NBEA: variants seen among roughly 807,000 people sequenced by gnomAD.
The protein encoded by NBEA is neurobeachin.
In NBEA, 44 loss-of-function variants were observed where a neutral mutation model predicts 343.4. The observed-to-expected ratio is 0.13, with a 90% CI of 0.10 to 0.16. The LOEUF is 0.16. Ranked by LOEUF, NBEA falls within the 10% of genes least tolerant of loss-of-function variation. The pLI is 1.00. For missense variants in NBEA, 2,555 were observed against 3,631.3 expected, an observed-to-expected ratio of 0.70 and a Z score of 7.62; for synonymous variants, 1,175 against 1,238.7, an observed-to-expected ratio of 0.95 and a Z score of 1.08.
chr13:35,491,182 A>G lies in NBEA; in HGVS notation c.6585+18646A>G, dbSNP rs186641959. On this transcript the variant is annotated intron_variant, in intron 41 of 58. Transcript: ENST00000379939. ...GTATGTTTGTTGAATGAATAATTAA[A>G]TGAATATCATCTGTTCTGTACTTCC... 3.0e-3 allele frequency among the ~76,000 whole-genome samples: 463 copies of G among 152,084 alleles called. 3 individuals carry two copies. Among genetic ancestry groups the G allele is most frequent in the African/African-American group, 0.01 (417 of 41,526 alleles).
chr13:34,998,924 C>T (rs1211065102), intron 1 of NBEA, among the ~76,000 whole-genome samples: 3 of 152,092 alleles, frequency 2.0e-5, no homozygotes, highest in Non-Finnish European at 4.4e-5. Context: ...GAAATCTTCA[C>T]AATTTATGTT....
intron 41 of NBEA, among the ~76,000 whole-genome samples, chr13:35,548,657 T>C (rs924751196): frequency 6.6e-6 from 1 of 152,196 alleles, no homozygotes; most frequent in Non-Finnish European, 1.5e-5. Flanking sequence ...AGATAGATTT[T>C]GTTGTTGTGG....
At chr13:35,033,138 G>T (rs1415188716) in intron 1 of NBEA, among the ~76,000 whole-genome samples, 8 of 151,826 alleles carry the variant, frequency 5.3e-5, no homozygotes, top group African/African-American at 1.4e-4. Flanking sequence ...ATGGTTTAAG[G>T]TCTGAGATTT....
chr13:35,518,591 A>T (rs1770776870), intron 41 of NBEA, among the ~76,000 whole-genome samples: 1 of 152,234 alleles, frequency 6.6e-6, no homozygotes, highest in Non-Finnish European at 1.5e-5. Context: ...AACATTAGTC[A>T]TAATTATGCC....
chr13:35,461,222 A>G (rs2046885085), intron 40 of NBEA, among the ~76,000 whole-genome samples: 1 of 152,090 alleles, frequency 6.6e-6, no homozygotes, highest in Non-Finnish European at 1.5e-5. Context: ...ATCATATATA[A>G]TTTGCATTTT....
At chr13:35,099,043 T>TTTTTTG (rs2065484863) in intron 11 of NBEA, among the ~76,000 whole-genome samples, 1 of 149,772 alleles carries the variant, frequency 6.7e-6, no homozygotes, top group Non-Finnish European at 1.5e-5. Flanking sequence ...TTTTTTTTTT[T>TTTTTTG]GAGACAGTGT....
At chr13:35,158,464 T>C (rs1478949885) in intron 21 of NBEA, among the ~76,000 whole-genome samples, 1 of 152,118 alleles carries the variant, frequency 6.6e-6, no homozygotes, top group Non-Finnish European at 1.5e-5. Flanking sequence ...GTATTCTGAT[T>C]ATTAATAAAG....
chr13:35,122,334 T>C, intron 16 of NBEA, among the ~76,000 whole-genome samples: 1 of 151,982 alleles, frequency 6.6e-6, no homozygotes, highest in Non-Finnish European at 1.5e-5. Context: ...TGTCCAACAA[T>C]GACAGACTGG....
At chr13:35,364,591 A>G (rs1206889960) in intron 38 of NBEA, among the ~76,000 whole-genome samples, 1 of 151,854 alleles carries the variant, frequency 6.6e-6, no homozygotes, top group Non-Finnish European at 1.5e-5. Context: ...AATTAATACA[A>G]GATTGACAAC....
chr13:35,163,617 C>CA (rs56961670), intron 23 of NBEA, among the ~76,000 whole-genome samples: 6,472 of 125,406 alleles, frequency 0.052, 227 homozygotes, highest in East Asian at 0.2. Context: ...GATCCTTTCT[C>CA]AAAAAAAAAA....
intron 41 of NBEA, among the ~76,000 whole-genome samples, chr13:35,511,700 T>A (rs2077283069): frequency 6.6e-6 from 1 of 152,194 alleles, no homozygotes; most frequent in Non-Finnish European, 1.5e-5. Flanking sequence ...CTGTATCATA[T>A]TACCTATGTT....
intron 40 of NBEA, among the ~76,000 whole-genome samples, chr13:35,470,117 TA>T: frequency 2.0e-5 from 3 of 152,310 alleles, no homozygotes; most frequent in Admixed American, 2.0e-4. Context: ...AGGACGAGGG[TA>T]AAAATGACAC....
intron 49 of NBEA, among the ~76,000 whole-genome samples, chr13:35,629,346 G>T (rs1490026108): frequency 1.3e-5 from 2 of 152,104 alleles, no homozygotes; most frequent in African/African-American, 4.8e-5. Context: ...GGAGATGGGC[G>T]CAATGAAGCT....
At chr13:35,122,078 A>T (rs1010776561) in intron 16 of NBEA, among the ~76,000 whole-genome samples, 2 of 152,208 alleles carry the variant, frequency 1.3e-5, no homozygotes, top group African/African-American at 4.8e-5. Flanking sequence ...CAAATGTTAT[A>T]ATGAATATGG....
intron 36 of NBEA, among the ~76,000 whole-genome samples, chr13:35,310,862 T>C (rs1261368241): frequency 6.6e-6 from 1 of 152,220 alleles, no homozygotes; most frequent in Non-Finnish European, 1.5e-5. Flanking sequence ...GAATAGTCCT[T>C]GAAAATTAGT....
Position 35,159,072 on chromosome 13 carries a change from A to C in NBEA, c.2901A>C (p.Arg967Ser), listed in dbSNP as rs1394679163. The stretch of plus-strand genomic sequence containing the variant: ...CCAAAATGTATGAGGAATATCAAAG[A>C]CAAGAGGAGGAAAACATTAAAAAGG... ...YLAKMYEEYQRQEEENIKKGK... is the reference protein window; with the variant it reads ...YLAKMYEEYQSQEEENIKKGK... The change falls in exon 22 of 59, where the codon AGA (arginine) becomes AGC (serine). Residue 967 changes from arginine (R) to serine (S), a missense_variant. Arg to Ser is a moderately radical substitution (Grantham distance 110). Around this residue, in one of 21 missense-constraint regions of NBEA, gnomAD observed 18 missense variants for 21.7 expected, o/e 0.83. Transcript: ENST00000379939. 1 of 1,613,166 alleles carries C rather than the reference A, an allele frequency of 6.2e-7. No homozygotes were observed. Among genetic ancestry groups the C allele is most frequent in the Non-Finnish European group, 8.5e-7 (1 of 1,179,478 alleles).
intron 38 of NBEA, among the ~76,000 whole-genome samples, chr13:35,428,222 T>C (rs764856962): frequency 2.6e-5 from 4 of 152,160 alleles, no homozygotes; most frequent in Non-Finnish European, 4.4e-5. Context: ...TCTTCTGCGT[T>C]GCTCACGCTG....
intron 38 of NBEA, among the ~76,000 whole-genome samples, chr13:35,428,856 G>A (rs1160288884): frequency 2.0e-5 from 3 of 152,064 alleles, no homozygotes; most frequent in Non-Finnish European, 4.4e-5. Context: ...TAGACTTCCT[G>A]TAACATTGCT....
At chr13:35,593,497 A>C (rs1157436481) in intron 47 of NBEA, 50 bp downstream of exon 47, 4 of 1,536,028 alleles carry the variant, frequency 2.6e-6, no homozygotes, top group Non-Finnish European at 3.5e-6. Context: ...ATATGTGGAA[A>C]TTTTGATTTT....
Sources: allele counts gnomAD v4.1 joint callset (sites outside exome capture counted in the v4.1 genomes callset), GRCh38; gene constraint gnomAD v4.1.1; regional missense constraint gnomAD v4.1.1; transcripts MANE v1.5; gene names NCBI Gene and HGNC (gene_info 2026-07-23, HGNC 2026-07-21).